The following BIK variants were observed in gnomAD, a reference collection of about 807,000 sequenced individuals.
The protein encoded by BIK is bcl-2-interacting killer.
In BIK, 14 loss-of-function variants were observed where a neutral mutation model predicts 12.1. That is an observed-to-expected ratio of 1.16 (90% CI 0.77 to 1.81). The LOEUF is 1.81. Among genes scored for constraint, BIK ranks in the 40% most tolerant of loss-of-function variants. BIK has a pLI of 0.00. For synonymous variants in BIK, 86 were observed against 92.3 expected (o/e 0.93, Z 0.39); for missense variants, 215 against 207.9 (o/e 1.03, Z -0.21).
intron 1 of BIK, among the ~76,000 whole-genome samples, chr22:43,116,559 A>G (rs889398493): frequency 3.3e-5 from 5 of 152,052 alleles, no homozygotes; most frequent in Non-Finnish European, 7.4e-5. Context: ...CCCAGGTTCA[A>G]GTGATTCTCC....
chr22:43,118,954 G>C (rs1930169374), intron 1 of BIK, among the ~76,000 whole-genome samples: 1 of 152,012 alleles, frequency 6.6e-6, no homozygotes, highest in Non-Finnish European at 1.5e-5. Context: ...AGGGGCTTGG[G>C]AGGTAGATGG....
At chr22:43,113,329 C>T (rs1052967005) in intron 1 of BIK, among the ~76,000 whole-genome samples, 4 of 152,178 alleles carry the variant, frequency 2.6e-5, no homozygotes, top group Admixed American at 6.5e-5. Context: ...TTTTTTGAGA[C>T]GGAGTTTCGC....
intron 1 of BIK, among the ~76,000 whole-genome samples, chr22:43,115,752 C>T (rs970994523): frequency 2.6e-5 from 4 of 152,076 alleles, no homozygotes; most frequent in South Asian, 2.1e-4. Context: ...TGTGAGCCAC[C>T]GCGTCTGGCC....
At chr22:43,115,375 G>A (rs952598354) in intron 1 of BIK, among the ~76,000 whole-genome samples, 7 of 152,292 alleles carry the variant, frequency 4.6e-5, no homozygotes, top group African/African-American at 1.4e-4. Flanking sequence ...CTGAAGTGGA[G>A]CCCAGGGGCC....
chr22:43,121,148 C>T (rs1313135736), intron 1 of BIK, among the ~76,000 whole-genome samples: 2 of 152,158 alleles, frequency 1.3e-5, no homozygotes, highest in Non-Finnish European at 2.9e-5. Flanking sequence ...TGCACTCCAG[C>T]CTGGGCAATA....
At chr22:43,128,015 G>GCAA (rs1273303956) in intron 3 of BIK, among the ~76,000 whole-genome samples, 3 of 152,150 alleles carry the variant, frequency 2.0e-5, no homozygotes, top group Non-Finnish European at 4.4e-5. Context: ...GCATTCCTGG[G>GCAA]CAACAAAGCA....
chr22:43,123,811 G>C (rs537794092), intron 1 of BIK, among the ~76,000 whole-genome samples: 1 of 152,310 alleles, frequency 6.6e-6, no homozygotes, highest in South Asian at 2.1e-4. Context: ...CAAGAACAGA[G>C]ATGCTAGGCG....
In BIK at chr22:43,125,188, C is replaced by T. The variant is rs573108558; in HGVS notation, c.161+1005C>T. ...GATGACTGGAGGTCACTTTTGTGCC[C>T]ATCTTGGCTTTGGTGGGCTTTGGCT... On this transcript the variant is annotated intron_variant, in intron 2 of 4. Coordinates refer to ENST00000216115, the MANE Select transcript of BIK (RefSeq NM_001197.5). Among the ~76,000 whole-genome samples, 10 of 152,282 alleles carry T rather than the reference C, an allele frequency of 6.6e-5. No homozygotes were observed. The South Asian group carries it at 1.9e-3, about 28-fold the overall frequency.
rs4988382 is a variant in BIK at position 43,118,718 on chromosome 22, G to A, written c.-7-5298G>A. Among the ~76,000 whole-genome samples the A allele has an allele frequency of 4.4e-3, 676 of 152,272 alleles. 2 individuals carry two copies. The highest frequency in any genetic ancestry group is 6.3e-3 in the Non-Finnish European group (429 of 68,014). On this transcript the variant is annotated intron_variant, in intron 1 of 4. Coordinates refer to ENST00000216115, the MANE Select transcript of BIK (RefSeq NM_001197.5). ...CCTGACCCTCTCGGTTTGCCTGCCT[G>A]TGAAACAGGAAGTGTCAGATCCCGC...
intron 1 of BIK, among the ~76,000 whole-genome samples, chr22:43,113,652 G>A (rs930391065): frequency 1.3e-5 from 2 of 152,106 alleles, no homozygotes; most frequent in Non-Finnish European, 2.9e-5. Context: ...CCGTCTCAAC[G>A]GAAGGATGTA....
At chr22:43,115,506 G>A (rs1930093837) in intron 1 of BIK, among the ~76,000 whole-genome samples, 1 of 152,016 alleles carries the variant, frequency 6.6e-6, no homozygotes, top group Admixed American at 6.6e-5. Flanking sequence ...CCTGTCGCGG[G>A]GGCTGGAGTG....
chr22:43,129,018 C>T (rs552185924), intron 4 of BIK, among the ~76,000 whole-genome samples, 195 bp from the exon 5 acceptor site: 1 of 152,370 alleles, frequency 6.6e-6, no homozygotes, highest in South Asian at 2.1e-4. Context: ...CTGGCAGGCC[C>T]AGGCCACGCT....
In BIK at chr22:43,127,783, T is replaced by G. The variant is rs1601734087; in HGVS notation, c.248T>G (p.Val83Gly). 1 of 1,551,236 alleles carries G rather than the reference T, an allele frequency of 6.4e-7. No individual in the cohort carries two copies. Among genetic ancestry groups the G allele is most frequent in the Non-Finnish European group, 8.7e-7 (1 of 1,147,290 alleles). The change falls in exon 3 of 5, where the codon GTG becomes GGG. Residue 83 changes from valine to glycine, a missense_variant. By Grantham distance (109) the Val-to-Gly change is moderately radical. Coordinates refer to ENST00000216115, the MANE Select transcript of BIK (RefSeq NM_001197.5). ...RAPRLAQLSE[V>G]AMHSLGLAFI... Reference sequence around the variant, plus strand: ...CCGCGCCTGGCCCAGCTCTCCGAGGTGGCCATGCACAGGTAGCCGGCCTAT... The same window carrying G: ...CCGCGCCTGGCCCAGCTCTCCGAGGGGGCCATGCACAGGTAGCCGGCCTAT...
intron 1 of BIK, among the ~76,000 whole-genome samples, chr22:43,111,399 C>T (rs916434388): frequency 2.0e-5 from 3 of 152,214 alleles, no homozygotes; most frequent in African/African-American, 7.2e-5. Flanking sequence ...CCCGCCCTCG[C>T]TTGCCCACGC....
intron 4 of BIK, 75 bp from the exon 5 acceptor site, chr22:43,129,138 G>A: frequency 1.9e-5 from 30 of 1,597,964 alleles, no homozygotes; most frequent in Non-Finnish European, 2.5e-5. Flanking sequence ...CTTCCCCTTG[G>A]CACTCCGCTG....
In BIK at chr22:43,118,419, C is replaced by T. The variant is rs565643125; in HGVS notation, c.-7-5597C>T. On this transcript the variant is annotated intron_variant, in intron 1 of 4. Coordinates refer to ENST00000216115, the MANE Select transcript of BIK (RefSeq NM_001197.5). Reference sequence around the variant, plus strand: ...CATCCTCTCAGCAGCCCTGGAGGCCCGGCTGTTTCTGCAAGGCTCAGAGGT... The same window carrying T: ...CATCCTCTCAGCAGCCCTGGAGGCCTGGCTGTTTCTGCAAGGCTCAGAGGT... 3.3e-5 allele frequency among the ~76,000 whole-genome samples: 5 copies of T among 152,320 alleles called. No individual in the cohort carries two copies. In the East Asian group the frequency reaches 5.8e-4, roughly 18 times the overall value.
chr22:43,122,798 G>C (rs1318574429), intron 1 of BIK, among the ~76,000 whole-genome samples: 1 of 152,142 alleles, frequency 6.6e-6, no homozygotes, highest in African/African-American at 2.4e-5. Context: ...CTCAGGCCTG[G>C]CCGCTCTCTG....
At chr22:43,115,150 C>T (rs1366503065) in intron 1 of BIK, among the ~76,000 whole-genome samples, 3 of 152,192 alleles carry the variant, frequency 2.0e-5, no homozygotes, top group Non-Finnish European at 4.4e-5. Flanking sequence ...AGTGCCCAAT[C>T]CAGGTCTGTT....
intron 1 of BIK, among the ~76,000 whole-genome samples, chr22:43,117,978 CAT>C (rs1930150762): frequency 6.6e-6 from 1 of 152,060 alleles, no homozygotes; most frequent in South Asian, 2.1e-4. Flanking sequence ...TGGCCCATTT[CAT>C]ATATTTTTAA....
Sources: gnomAD v4.1 joint callset for allele counts (sites outside exome capture counted in the v4.1 genomes callset) on GRCh38, gnomAD v4.1.1 for gene constraint, MANE v1.5 for transcripts, NCBI Gene and HGNC (gene_info 2026-07-23, HGNC 2026-07-21) for gene names.